ST8SIA6: variants seen among roughly 807,000 people sequenced by gnomAD.
ST8SIA6 encodes the protein alpha-2,8-sialyltransferase 8F.
In ST8SIA6, 39 loss-of-function variants were observed where a neutral mutation model predicts 33.6. The ratio of observed to expected loss-of-function variants is 1.16; its 90% CI spans 0.90 to 1.52. The LOEUF (loss-of-function observed/expected upper bound fraction) is 1.52, where lower values mean the gene tolerates loss of function less well. Among genes scored for constraint, ST8SIA6 ranks in the 40% most tolerant of loss-of-function variants. The pLI is 0.00. For synonymous variants in ST8SIA6, 172 were observed against 167.2 expected, an observed-to-expected ratio of 1.03 and a Z score of -0.22; for missense variants, 441 against 443.8, an observed-to-expected ratio of 0.99 and a Z score of 0.06.
chr10:17,429,499 A>G (rs964449756), intron 2 of ST8SIA6, among the ~76,000 whole-genome samples: 1 of 151,400 alleles, frequency 6.6e-6, no homozygotes, highest in East Asian at 1.9e-4. Flanking sequence ...AGCCCTTCCA[A>G]CTGCCTCTCC....
At chr10:17,445,480 G>C (rs1048914785) in intron 2 of ST8SIA6, among the ~76,000 whole-genome samples, 3 of 152,102 alleles carry the variant, frequency 2.0e-5, no homozygotes, top group Admixed American at 6.6e-5. Flanking sequence ...AACAGACCAG[G>C]TCCAGGGAGA....
chr10:17,372,045 G>A (rs971181900), intron 3 of ST8SIA6, among the ~76,000 whole-genome samples: 1 of 152,066 alleles, frequency 6.6e-6, no homozygotes, highest in Non-Finnish European at 1.5e-5. Context: ...ATGGTATTGG[G>A]CACTTAGTAG....
At chr10:17,348,658 G>T (rs1165586329) in intron 4 of ST8SIA6, among the ~76,000 whole-genome samples, 1 of 152,180 alleles carries the variant, frequency 6.6e-6, no homozygotes, top group Non-Finnish European at 1.5e-5. Flanking sequence ...CTCAGGCATT[G>T]TTCCAGGACG....
At chr10:17,332,737 C>T (rs1295275852) in intron 4 of ST8SIA6, among the ~76,000 whole-genome samples, 1 of 152,110 alleles carries the variant, frequency 6.6e-6, no homozygotes, top group Non-Finnish European at 1.5e-5. Flanking sequence ...TATTTCTTGA[C>T]TTTTTAATAA....
intron 4 of ST8SIA6, among the ~76,000 whole-genome samples, chr10:17,352,097 A>G (rs1435719305): frequency 6.6e-6 from 1 of 152,188 alleles, no homozygotes; most frequent in Non-Finnish European, 1.5e-5. Flanking sequence ...AATTAGCTTG[A>G]TATAATTATT....
chr10:17,333,342 A>G (rs1305043118), intron 4 of ST8SIA6, among the ~76,000 whole-genome samples: 1 of 152,094 alleles, frequency 6.6e-6, no homozygotes, highest in Non-Finnish European at 1.5e-5. Context: ...AGTCAATGCT[A>G]TTCCCATCAA....
At chr10:17,448,714 C>T (rs1033234095) in intron 2 of ST8SIA6, among the ~76,000 whole-genome samples, 1 of 151,798 alleles carries the variant, frequency 6.6e-6, no homozygotes, top group African/African-American at 2.4e-5. Context: ...CTCCTGGGTT[C>T]ACTCCATTCT....
At chr10:17,426,108 C>T (rs1276500449) in intron 2 of ST8SIA6, among the ~76,000 whole-genome samples, 2 of 152,160 alleles carry the variant, frequency 1.3e-5, no homozygotes, top group African/African-American at 4.8e-5. Flanking sequence ...GAAGCTCCAC[C>T]CTGCTGATAC....
At position 17,316,012 on chromosome 10, in the gene ST8SIA6, A is replaced by G. The variant is rs1847763618; in HGVS notation, c.*4866T>C. Among the ~76,000 whole-genome samples the G allele has an allele frequency of 6.6e-6, 1 of 152,064 alleles. No homozygotes were observed. Among genetic ancestry groups the G allele is most frequent in the Admixed American group, 6.6e-5 (1 of 15,258 alleles). ...GCTCTTATATATAATGCAACCTTAT[A>G]TAAGTTACTTACAATTTTGAGTCAG... On this transcript the variant is annotated 3_prime_UTR_variant, in exon 8 of 8. Coordinates refer to ENST00000377602, the MANE Select transcript of ST8SIA6 (RefSeq NM_001004470.3).
In ST8SIA6 at chr10:17,426,332, G is replaced by A. The variant is rs139508308; in HGVS notation, c.200+27227C>T. 3.3e-4 allele frequency among the ~76,000 whole-genome samples: 51 copies of A among 152,286 alleles called. No homozygotes were observed. In the East Asian group the frequency reaches 8.5e-3, roughly 25 times the overall value. On this transcript the variant is annotated intron_variant, in intron 2 of 7. Transcript: ENST00000377602. ...CCCTTTACCAATGGGGTGACTAGGA[G>A]GCAATTAAAACAGATACATAAGGAA...
chr10:17,414,342 G>A (rs1184574888), intron 2 of ST8SIA6, among the ~76,000 whole-genome samples: 1 of 151,766 alleles, frequency 6.6e-6, no homozygotes. Context: ...TTATTCTCCC[G>A]TCTCCTCCAA....
chr10:17,403,826 G>A (rs1158568609), intron 2 of ST8SIA6, among the ~76,000 whole-genome samples: 1 of 152,124 alleles, frequency 6.6e-6, no homozygotes, highest in Non-Finnish European at 1.5e-5. Context: ...ACTTTGGGAG[G>A]CCAAGGCAGG....
intron 3 of ST8SIA6, among the ~76,000 whole-genome samples, chr10:17,368,825 G>A (rs558364914): frequency 1.3e-5 from 2 of 152,236 alleles, no homozygotes; most frequent in South Asian, 4.1e-4. Context: ...AAATGATGTG[G>A]GTGGCTGTAA....
At chr10:17,453,339 T>C (rs567763787) in intron 2 of ST8SIA6, among the ~76,000 whole-genome samples, 16 of 152,046 alleles carry the variant, frequency 1.1e-4, no homozygotes, top group Non-Finnish European at 1.9e-4. Flanking sequence ...AGGATCCCCC[T>C]TGATTCAAAG....
intron 3 of ST8SIA6, among the ~76,000 whole-genome samples, chr10:17,380,676 C>G (rs1443498672): frequency 6.6e-6 from 1 of 152,148 alleles, no homozygotes; most frequent in Non-Finnish European, 1.5e-5. Context: ...ATTTAAAAAA[C>G]AAATTTGTGT....
At chr10:17,340,730 C>G (rs1164346414) in intron 4 of ST8SIA6, among the ~76,000 whole-genome samples, 2 of 152,176 alleles carry the variant, frequency 1.3e-5, no homozygotes, top group Admixed American at 6.5e-5. Flanking sequence ...TTAAAATGTT[C>G]TTATCTGAGC....
intron 4 of ST8SIA6, among the ~76,000 whole-genome samples, chr10:17,357,266 C>T (rs1564419049): frequency 2.0e-5 from 3 of 151,568 alleles, no homozygotes; most frequent in Admixed American, 1.3e-4. Context: ...GTTGGGATTA[C>T]AAGTGCATGC....
chr10:17,391,263 A>C (rs1299887832), intron 2 of ST8SIA6, among the ~76,000 whole-genome samples: 1 of 150,920 alleles, frequency 6.6e-6, no homozygotes, highest in African/African-American at 2.4e-5. Flanking sequence ...ATTTTTATTT[A>C]TTTATTTATT....
At chr10:17,442,943 T>A (rs1852555882) in intron 2 of ST8SIA6, among the ~76,000 whole-genome samples, 1 of 152,136 alleles carries the variant, frequency 6.6e-6, no homozygotes, top group African/African-American at 2.4e-5. Flanking sequence ...CTGTTCTAGA[T>A]TATAAATGGG....
Sources: gnomAD v4.1 joint callset for allele counts (sites outside exome capture counted in the v4.1 genomes callset) on GRCh38, gnomAD v4.1.1 for gene constraint, MANE v1.5 for transcripts, NCBI Gene and HGNC (gene_info 2026-07-23, HGNC 2026-07-21) for gene names.